Variants in ZNF891 observed in about 807,000 individuals in gnomAD.
ZNF891 encodes the protein hCG1646157.
For synonymous variants in ZNF891, 199 were observed against 209.0 expected (o/e 0.95, Z 0.41); for missense variants, 589 against 632.7 (o/e 0.93, Z 0.74).
At chr12:133,128,792 GAAA>G (rs74873248) in intron 1 of ZNF891, among the ~76,000 whole-genome samples, 1 of 104,736 alleles carries the variant, frequency 9.5e-6, no homozygotes. Flanking sequence ...ACTCTGTCTC[GAAA>G]AAAAAAAAAA....
rs1328846404 is a variant in ZNF891 at position 133,120,328 on chromosome 12, G to A, written c.1591C>T (p.Leu531Phe). 6.4e-7 allele frequency: 1 copy of A among 1,561,028 alleles called. No homozygotes were observed. The highest frequency in any genetic ancestry group is 8.6e-7 in the Non-Finnish European group (1 of 1,156,298). ...CGKAFSQSSS[L>F]IIHKRIHTER... The stretch of plus-strand genomic sequence containing the variant: ...GTATGAATTCTCTTGTGTATAATAA[G>A]TGAAGAGCTCTGACTGAAGGCTTTT... Residue 531 changes from leucine (L) to phenylalanine (F), a missense_variant, in exon 2 of 2, where the codon CTT (leucine) becomes TTT (phenylalanine). By Grantham distance (22) the Leu-to-Phe change is conservative. Coordinates refer to ENST00000537226, the MANE Select transcript of ZNF891 (RefSeq NM_001277291.2).
Position 133,108,668 on chromosome 12 carries a change from G to A in ZNF891, c.*11616C>T, listed in dbSNP as rs2137605826. 1 of 152,284 alleles carries A rather than the reference G, an allele frequency of 6.6e-6. No homozygotes were observed. Among genetic ancestry groups the A allele is most frequent in the Middle Eastern group, 2.9e-3 (1 of 340 alleles). The allele number at this position is 152,284 out of a possible 1,614,324, so 9.4% of individuals were successfully genotyped here. A position where few individuals can be genotyped will look rare whatever the true frequency, so the allele number is the denominator to read the frequency against. ...ATCAAATCTTTGCCCTCTAGTTTTT[G>A]TTGAGTGCAGCCAACATTGAGAACG... On this transcript the variant is annotated 3_prime_UTR_variant, in exon 2 of 2. Transcript: ENST00000537226.
Position 133,105,228 on chromosome 12 carries a change from A to C in ZNF891, c.*15056T>G, listed in dbSNP as rs1955546953. ...AATACCGTTTAAATGGTGGTGAAGAAGACTAGCAACCTATCCTTCACAAAT... is the reference window on the plus strand; with the variant it reads ...AATACCGTTTAAATGGTGGTGAAGACGACTAGCAACCTATCCTTCACAAAT... On this transcript the variant is annotated 3_prime_UTR_variant, in exon 2 of 2. Coordinates refer to ENST00000537226, the MANE Select transcript of ZNF891 (RefSeq NM_001277291.2). 1.3e-5 allele frequency among the ~76,000 whole-genome samples: 2 copies of C among 152,188 alleles called. No homozygotes were observed. The highest frequency in any genetic ancestry group is 2.4e-5 in the African/African-American group (1 of 41,402).
rs1377185053 is a variant in ZNF891 at position 133,124,258 on chromosome 12, A to G, written c.-106-2234T>C. Among the ~76,000 whole-genome samples, 13 of 152,190 alleles carry G rather than the reference A, an allele frequency of 8.5e-5. No individual in the cohort carries two copies. In the East Asian group the frequency reaches 2.3e-3, roughly 27 times the overall value. ...GGAAGGATGAACTATTTAACAAATG[A>G]TATCAAGACAAATGGCTTTCTGTTT... On this transcript the variant is annotated intron_variant, in intron 1 of 1. Coordinates refer to ENST00000537226, the MANE Select transcript of ZNF891 (RefSeq NM_001277291.2).
In ZNF891 at chr12:133,118,579, G is replaced by A. The variant is rs1955729099; in HGVS notation, c.*1705C>T. 6.6e-6 allele frequency: 1 copy of A among 152,122 alleles called. No homozygotes were observed. The allele number at this position is 152,122 out of a possible 1,614,324, so 9.4% of individuals were successfully genotyped here. A position where few individuals can be genotyped will look rare whatever the true frequency, so the allele number is the denominator to read the frequency against. On this transcript the variant is annotated 3_prime_UTR_variant, in exon 2 of 2. Coordinates refer to ENST00000537226, the MANE Select transcript of ZNF891 (RefSeq NM_001277291.2). ...CCGTATGCCACTCCTTCCATATTTT[G>A]TTAGAACTAATCTGGTCAGTATCTG...
At chr12:133,123,691 G>A (rs982128403) in intron 1 of ZNF891, among the ~76,000 whole-genome samples, 5 of 151,004 alleles carry the variant, frequency 3.3e-5, no homozygotes, top group African/African-American at 1.2e-4. Context: ...CTGGGCAACG[G>A]AGTGAAATCC....
intron 1 of ZNF891, among the ~76,000 whole-genome samples, chr12:133,124,527 G>C (rs896441223): frequency 2.0e-5 from 3 of 151,476 alleles, no homozygotes; most frequent in Non-Finnish European, 4.4e-5. Flanking sequence ...CTACACTGAA[G>C]GTAAACTAGA....
intron 1 of ZNF891, among the ~76,000 whole-genome samples, chr12:133,128,651 C>A (rs1955842260): frequency 6.6e-6 from 1 of 151,728 alleles, no homozygotes; most frequent in South Asian, 2.1e-4. Flanking sequence ...AACAAACAAA[C>A]AAAAACAAAA....
In ZNF891 at chr12:133,121,292, G is replaced by T; in HGVS notation, c.627C>A (p.Ser209Arg). The stretch of plus-strand genomic sequence containing the variant: ...TTTGGCAATGTTTACTGGTGAAAAT[G>T]CTCTGTGAAAAAATAAGTTTTGATC... ...KLGSKLIFSQ[S>R]IFTSKHCQKC... The change falls in exon 2 of 2, where the codon AGC (serine) becomes AGA (arginine). Residue 209 changes from serine to arginine, a missense_variant. Physicochemically the swap from Ser to Arg is moderately radical, Grantham distance 110 (BLOSUM62 -1). Coordinates refer to ENST00000537226, the MANE Select transcript of ZNF891 (RefSeq NM_001277291.2). The T allele has an allele frequency of 6.5e-7, 1 of 1,535,462 alleles. No homozygotes were observed. Among genetic ancestry groups the T allele is most frequent in the Non-Finnish European group, 8.7e-7 (1 of 1,146,658 alleles).
chr12:133,122,528 T>A (rs145987586), intron 1 of ZNF891, among the ~76,000 whole-genome samples: 1 of 152,304 alleles, frequency 6.6e-6, no homozygotes, highest in Non-Finnish European at 1.5e-5. Context: ...TATGTGACTT[T>A]GAAACAGATG....
chr12:133,105,443 G>A lies in ZNF891; in HGVS notation c.*14841C>T. The A allele has an allele frequency of 7.0e-7, 1 of 1,438,752 alleles. No homozygotes were observed. Among genetic ancestry groups the A allele is most frequent in the African/African-American group, 1.4e-5 (1 of 69,842 alleles). The allele number at this position is 1,438,752 out of a possible 1,614,324, so 89.1% of individuals were successfully genotyped here. On this transcript the variant is annotated 3_prime_UTR_variant, in exon 2 of 2. Coordinates refer to ENST00000537226, the MANE Select transcript of ZNF891 (RefSeq NM_001277291.2). ...AACTTCATTCTGTTGCTAAAGAAGG[G>A]AGAAATGGCCTTATTTTATTCAATA...
At position 133,111,094 on chromosome 12, in the gene ZNF891, AG is replaced by A. The variant is rs1412685840; in HGVS notation, c.*9189del. On this transcript the variant is annotated 3_prime_UTR_variant, in exon 2 of 2. Coordinates refer to ENST00000537226, the MANE Select transcript of ZNF891 (RefSeq NM_001277291.2). ...GCCTATTGGGTATGATTGATTTGGA[AG>A]AAAGAGTCTGAGTCCTTAGCAACTC... 2 of 152,222 alleles carry A rather than the reference AG, an allele frequency of 1.3e-5. No homozygotes were observed. The highest frequency in any genetic ancestry group is 2.9e-5 in the Non-Finnish European group (2 of 68,044). The allele number at this position is 152,222 out of a possible 1,614,324, so 9.4% of individuals were successfully genotyped here. A position where few individuals can be genotyped will look rare whatever the true frequency, so the allele number is the denominator to read the frequency against.
chr12:133,117,334 A>G lies in ZNF891; in HGVS notation c.*2950T>C, dbSNP rs1955720898. 1 of 152,258 alleles carries G rather than the reference A, an allele frequency of 6.6e-6. No individual in the cohort carries two copies. Among genetic ancestry groups the G allele is most frequent in the South Asian group, 2.1e-4 (1 of 4,838 alleles). The allele number at this position is 152,258 out of a possible 1,614,324, so 9.4% of individuals were successfully genotyped here. A position where few individuals can be genotyped will look rare whatever the true frequency, so the allele number is the denominator to read the frequency against. On this transcript the variant is annotated 3_prime_UTR_variant, in exon 2 of 2. Coordinates refer to ENST00000537226, the MANE Select transcript of ZNF891 (RefSeq NM_001277291.2). ...TTAGCAAAACTGAAGATCTATTCAT[A>G]AAGAATAAAAAATATATATATTTGG...
chr12:133,126,854 G>T (rs541014104), intron 1 of ZNF891, among the ~76,000 whole-genome samples: 1 of 143,724 alleles, frequency 7.0e-6, no homozygotes, highest in South Asian at 2.3e-4. Context: ...TGATCTAAAA[G>T]AAAAAGTAAG....
intron 1 of ZNF891, chr12:133,125,614 C>G (rs1335258016): frequency 4.2e-6 from 1 of 238,338 alleles, no homozygotes; most frequent in Non-Finnish European, 8.3e-6. Flanking sequence ...TGTCACCCAT[C>G]TTCTAGCAGC....
In ZNF891 at chr12:133,120,527, G is replaced by A. The variant is rs764978358; in HGVS notation, c.1392C>T (p.Asp464=). ...AGACCCCACTGAAAACTTTCCCACAGTCACTGCATTCATAAACATTCTCTC... is the reference window on the plus strand; with the variant it reads ...AGACCCCACTGAAAACTTTCCCACAATCACTGCATTCATAAACATTCTCTC... ...HTGENVYECS[D]CGKVFSGVSS... The change falls in exon 2 of 2, where the codon GAC becomes GAT. Residue 464 remains aspartate (D), a synonymous_variant. Transcript: ENST00000537226. 6.4e-6 allele frequency: 10 copies of A among 1,573,156 alleles called. No homozygotes were observed. Among genetic ancestry groups the A allele is most frequent in the Non-Finnish European group, 8.6e-6 (10 of 1,161,044 alleles).
Position 133,109,789 on chromosome 12 carries a change from T to C in ZNF891, c.*10495A>G, listed in dbSNP as rs1420831755. 6.6e-6 allele frequency: 1 copy of C among 152,198 alleles called. No individual in the cohort carries two copies. Among genetic ancestry groups the C allele is most frequent in the Non-Finnish European group, 1.5e-5 (1 of 68,020 alleles). The allele number at this position is 152,198 out of a possible 1,614,324, so 9.4% of individuals were successfully genotyped here. A position where few individuals can be genotyped will look rare whatever the true frequency, so the allele number is the denominator to read the frequency against. On this transcript the variant is annotated 3_prime_UTR_variant, in exon 2 of 2. Transcript: ENST00000537226. ...CTGGAGGGGTAAATATGTTGATAAA[T>C]ACAAGTCAGGTGTTGGGAAATTATG...
intron 1 of ZNF891, among the ~76,000 whole-genome samples, chr12:133,123,567 C>G: frequency 6.6e-6 from 1 of 151,900 alleles, no homozygotes; most frequent in East Asian, 1.9e-4. Context: ...TATTAGCCAA[C>G]CATGGTGGCA....
Position 133,106,194 on chromosome 12 carries a change from G to A in ZNF891, c.*14090C>T. Reference sequence around the variant, plus strand: ...GAGAAACCTTATGAATGCATTGAATGTGGGAAGGCATTTCGCCGTTTCTCA... The same window carrying A: ...GAGAAACCTTATGAATGCATTGAATATGGGAAGGCATTTCGCCGTTTCTCA... On this transcript the variant is annotated 3_prime_UTR_variant, in exon 2 of 2. Transcript: ENST00000537226. 4 of 1,614,206 alleles carry A rather than the reference G, an allele frequency of 2.5e-6. No homozygotes were observed. Among genetic ancestry groups the A allele is most frequent in the Non-Finnish European group, 3.4e-6 (4 of 1,180,030 alleles).
Sources: gnomAD v4.1 joint callset for allele counts (sites outside exome capture counted in the v4.1 genomes callset) on GRCh38, gnomAD v4.1.1 for gene constraint, MANE v1.5 for transcripts, NCBI Gene and HGNC (gene_info 2026-07-23, HGNC 2026-07-21) for gene names.